The following RICTOR variants were observed in gnomAD, a reference collection of about 807,000 sequenced individuals.
The protein encoded by RICTOR is RPTOR independent companion of MTOR complex 2, also known as rapamycin-insensitive companion of mTOR.
RICTOR carries 49 observed loss-of-function variants against 214.9 expected under a neutral mutation model. The ratio of observed to expected loss-of-function variants is 0.23; its 90% confidence interval spans 0.18 to 0.29. The LOEUF is 0.29. Ranked by LOEUF, RICTOR falls within the 10% of genes least tolerant of loss-of-function variation. RICTOR has a pLI of 1.00. For missense variants in RICTOR, 1,625 were observed against 2,047.0 expected (o/e 0.79, Z 3.98); for synonymous variants, 717 against 711.3 (o/e 1.01, Z -0.13).
chr5:39,006,776 A>AGGGGAGG (rs1754102231), intron 3 of RICTOR, among the ~76,000 whole-genome samples: 2 of 18,822 alleles, frequency 1.1e-4, no homozygotes, highest in Non-Finnish European at 2.0e-4. Flanking sequence ...GGGAGAGGAG[A>AGGGGAGG]GGAGGGGAGG....
rs1750378902 is a variant in RICTOR at position 38,968,008 on chromosome 5, T to C, written c.995A>G (p.Tyr332Cys). ...EIRRGLLEVL[Y>C]DIFRLPLPVV... ...AGGTAGAGGAAGACGAAATATATCA[T>C]AAAGCACTTCAAGTAGACCTCGCTA... The change falls in exon 12 of 38, where the codon TAT (tyrosine) becomes TGT (cysteine). Residue 332 changes from tyrosine (Y) to cysteine (C), a missense_variant. By Grantham distance (194) the Tyr-to-Cys change is radical (BLOSUM62 -2). This residue lies in a region of RICTOR where 258 missense variants were observed against 393.7 expected (regional missense o/e 0.66). Coordinates refer to ENST00000357387, the MANE Select transcript of RICTOR (RefSeq NM_152756.5). 2 of 1,605,456 alleles carry C rather than the reference T, an allele frequency of 1.2e-6. No homozygotes were observed. The highest frequency in any genetic ancestry group is 1.1e-5 in the South Asian group (1 of 90,904).
At chr5:39,059,482 ATTTATAACAAAGACT>A (rs1341354745) in intron 2 of RICTOR, among the ~76,000 whole-genome samples, 1 of 152,148 alleles carries the variant, frequency 6.6e-6, no homozygotes, top group African/African-American at 2.4e-5. Flanking sequence ...AGAATTGTAC[ATTTATAACAAAGACT>A]TTTTGGATCT....
chr5:38,959,380 TAAAC>T (rs1240865112), intron 21 of RICTOR, 59 bp from the exon 22 acceptor site: 4 of 953,276 alleles, frequency 4.2e-6, no homozygotes, highest in Non-Finnish European at 4.6e-6. Context: ...ATACATTAAT[TAAAC>T]AAATATTTTT....
chr5:38,983,228 C>T (rs1344775767), intron 7 of RICTOR, among the ~76,000 whole-genome samples: 1 of 152,234 alleles, frequency 6.6e-6, no homozygotes, highest in African/African-American at 2.4e-5. Context: ...ACAAGTCATA[C>T]ACAGTTCTTA....
chr5:39,065,640 T>C (rs1460887005), intron 2 of RICTOR, among the ~76,000 whole-genome samples: 1 of 152,168 alleles, frequency 6.6e-6, no homozygotes, highest in Non-Finnish European at 1.5e-5. Context: ...ACTCCCAAGA[T>C]ACAATGAGGA....
At chr5:39,040,673 T>C (rs1053158641) in intron 2 of RICTOR, among the ~76,000 whole-genome samples, 1 of 152,010 alleles carries the variant, frequency 6.6e-6, no homozygotes, top group Non-Finnish European at 1.5e-5. Flanking sequence ...CCCTAGATTG[T>C]ATTCCATAAT....
At chr5:39,017,930 T>G (rs1755091120) in intron 3 of RICTOR, among the ~76,000 whole-genome samples, 1 of 152,146 alleles carries the variant, frequency 6.6e-6, no homozygotes, top group Non-Finnish European at 1.5e-5. Context: ...TAGTGCATTT[T>G]CAAACAAGCT....
intron 6 of RICTOR, among the ~76,000 whole-genome samples, chr5:38,991,350 A>G (rs529513448): frequency 6.6e-6 from 1 of 152,208 alleles, no homozygotes; most frequent in African/African-American, 2.4e-5. Context: ...ATTTTAAATT[A>G]CTCTAGAATA....
chr5:39,002,427 A>C (rs377329527), intron 5 of RICTOR, 108 bp downstream of exon 5: 10 of 660,770 alleles, frequency 1.5e-5, no homozygotes, highest in South Asian at 8.2e-5. Flanking sequence ...CACACACACA[A>C]AATTCATCAA....
rs144984386 is a variant in RICTOR, at chr5:38,939,779, T to C, written c.*2525A>G. On this transcript the variant is annotated 3_prime_UTR_variant, in exon 38 of 38. Transcript: ENST00000357387. ...GTATTGACATTATTTTGGTATTCTA[T>C]AGTCTGTAATATCTATTATTTATAG... is the stretch of plus-strand genomic sequence containing the variant. 1.4e-3 allele frequency: 321 copies of C among 226,830 alleles called. 1 individual carries two copies. Among genetic ancestry groups the C allele is most frequent in the African/African-American group, 6.8e-3 (307 of 45,154 alleles). The allele number at this position is 226,830 out of a possible 1,614,324, so 14.1% of individuals were successfully genotyped here.
At chr5:38,951,990 C>T (rs1433868253) in intron 30 of RICTOR, among the ~76,000 whole-genome samples, 2 of 151,796 alleles carry the variant, frequency 1.3e-5, no homozygotes, top group Non-Finnish European at 2.9e-5. Context: ...TCAAAAGCTA[C>T]TTAGAATATA....
Position 38,958,823 on chromosome 5 carries a change from T to C in RICTOR, c.2187A>G (p.Arg729=). The change falls in exon 23 of 38, where the codon AGA becomes AGG. Residue 729 remains arginine (R), a synonymous_variant. Transcript: ENST00000357387. Reference sequence around the variant, plus strand: ...CCCTTAAATGTTTTGTTGCATAGAGTCTGCAGGCCTATAAGGATAAATGAA... The same window carrying C: ...CCCTTAAATGTTTTGTTGCATAGAGCCTGCAGGCCTATAAGGATAAATGAA... ...KILTAATDAC[R]LYATKHLRVL... is the part of the protein sequence containing the mutation. 6.3e-7 allele frequency: 1 copy of C among 1,579,416 alleles called. No individual in the cohort carries two copies. Among genetic ancestry groups the C allele is most frequent in the Non-Finnish European group, 8.6e-7 (1 of 1,165,294 alleles).
At chr5:39,036,536 A>G (rs1212564623) in intron 2 of RICTOR, among the ~76,000 whole-genome samples, 3 of 152,070 alleles carry the variant, frequency 2.0e-5, no homozygotes, top group East Asian at 1.9e-4. Flanking sequence ...TGGATAAAGT[A>G]TCAAGACCCA....
Position 38,953,501 on chromosome 5 carries a change from C to T in RICTOR, c.2750G>A (p.Trp917Ter). 6.6e-7 allele frequency: 1 copy of T among 1,504,112 alleles called. No homozygotes were observed. 93.2% of individuals were successfully genotyped at this position (1,504,112 alleles called of 1,614,324 possible). ...RNVRTPDLDK[W>*]EEIKKLKASL... Reference sequence around the variant, plus strand: ...TGCTTTCAGTTTTTTAATTTCTTCCCACTTATCCAAATCTGGTGTACGAAC... The same window carrying T: ...TGCTTTCAGTTTTTTAATTTCTTCCTACTTATCCAAATCTGGTGTACGAAC... The change falls in exon 28 of 38, where the codon TGG becomes TAG. Residue 917 changes from tryptophan (W) to a stop codon, truncating the protein, a stop_gained. Transcript: ENST00000357387. LOFTEE classifies it high-confidence loss of function.
chr5:38,997,830 G>C (rs576341317), intron 5 of RICTOR, among the ~76,000 whole-genome samples: 1 of 152,302 alleles, frequency 6.6e-6, no homozygotes, highest in African/African-American at 2.4e-5. Context: ...AAATCTGGCC[G>C]TACTGAAAAG....
At chr5:39,017,341 T>C (rs763835407) in intron 3 of RICTOR, among the ~76,000 whole-genome samples, 16 of 152,102 alleles carry the variant, frequency 1.1e-4, no homozygotes, top group Non-Finnish European at 1.8e-4. Context: ...CTATAAAATT[T>C]AATAAAAGAC....
chr5:38,957,812 A>G (rs1290984511), intron 24 of RICTOR, 82 bp from the exon 25 acceptor site: 2 of 754,056 alleles, frequency 2.7e-6, no homozygotes, highest in Non-Finnish European at 4.5e-6. Flanking sequence ...AAAATTTAAA[A>G]AAGTATAAGG....
At chr5:39,039,947 C>T (rs1386488074) in intron 2 of RICTOR, among the ~76,000 whole-genome samples, 1 of 151,974 alleles carries the variant, frequency 6.6e-6, no homozygotes, top group African/African-American at 2.4e-5. Context: ...TACCATTTGA[C>T]CCAGCCATCC....
intron 3 of RICTOR, among the ~76,000 whole-genome samples, chr5:39,017,228 T>C (rs1013106202): frequency 6.6e-6 from 1 of 152,152 alleles, no homozygotes; most frequent in Non-Finnish European, 1.5e-5. Context: ...TAACAGTAAT[T>C]ATAATTGCAA....
Sources: gnomAD v4.1 joint callset for allele counts (sites outside exome capture counted in the v4.1 genomes callset) on GRCh38, gnomAD v4.1.1 for gene constraint, gnomAD v4.1.1 regional missense constraint, MANE v1.5 for transcripts, NCBI Gene and HGNC (gene_info 2026-07-23, HGNC 2026-07-21) for gene names.